Variants in ZBTB34 observed in about 807,000 individuals in gnomAD.
ZBTB34 encodes the protein zinc finger and BTB domain containing 34.
A neutral mutation model predicts 33.4 loss-of-function variants in ZBTB34; 1 was observed. The ratio of observed to expected loss-of-function variants is 0.03; its 90% confidence interval spans 0.01 to 0.14. The LOEUF is 0.14. Ranked by LOEUF, ZBTB34 falls within the 10% of genes least tolerant of loss-of-function variation. The pLI, the probability that ZBTB34 is intolerant of heterozygous loss-of-function variation, is 1.00. For missense variants in ZBTB34, 406 were observed against 657.2 expected (o/e 0.62, Z 4.18); for synonymous variants, 283 against 253.5 (o/e 1.12, Z -1.11).
chr9:126,877,916 A>G (rs1234687178), intron 1 of ZBTB34, among the ~76,000 whole-genome samples: 2 of 152,120 alleles, frequency 1.3e-5, no homozygotes, highest in East Asian at 3.8e-4. Context: ...AGGCAGGAGG[A>G]TCACTTGAAC....
At chr9:126,872,451 T>C (rs907995168) in intron 1 of ZBTB34, among the ~76,000 whole-genome samples, 2 of 152,118 alleles carry the variant, frequency 1.3e-5, no homozygotes, top group Non-Finnish European at 1.5e-5. Context: ...AACTTAGGTG[T>C]AGGCCCACTG....
At position 126,879,385 on chromosome 9, in the gene ZBTB34, C is replaced by T. The variant is rs369450218; in HGVS notation, c.-10-5C>T. The T allele has an allele frequency of 2.9e-5, 46 of 1,591,756 alleles. No homozygotes were observed. Among genetic ancestry groups the T allele is most frequent in the Non-Finnish European group, 3.3e-5 (38 of 1,167,770 alleles). ...GTGAATGATGCAAACTCTCTCTCTC[C>T]GCAGAGTACGCTTCATGTCAGTAGA... On this transcript the variant is annotated splice_polypyrimidine_tract_variant and splice_region_variant and intron_variant, in intron 1 of 1. Coordinates refer to ENST00000319119, the Ensembl canonical transcript of ZBTB34. The surrounding 1 kb of genome is among the most constrained non-coding windows in gnomAD (Gnocchi z 6.4).
At chr9:126,869,625 C>T (rs376808010) in intron 1 of ZBTB34, among the ~76,000 whole-genome samples, 1 of 152,084 alleles carries the variant, frequency 6.6e-6, no homozygotes, top group Admixed American at 6.5e-5. Context: ...GAATGTCGGT[C>T]CTGCCCACAT....
chr9:126,875,446 C>G (rs2033343087), intron 1 of ZBTB34, among the ~76,000 whole-genome samples: 1 of 152,094 alleles, frequency 6.6e-6, no homozygotes, highest in South Asian at 2.1e-4. Context: ...GAGTGTCTCT[C>G]TTTATGGTAT....
rs1200592320 is a variant in ZBTB34, at chr9:126,877,053, C to CTTTCCT, written c.-10-2337_-10-2336insTTTCCT. Among the ~76,000 whole-genome samples the CTTTCCT allele has an allele frequency of 7.2e-5, 11 of 152,276 alleles. No homozygotes were observed. In the East Asian group the frequency reaches 2.1e-3, roughly 29 times the overall value. On this transcript the variant is annotated intron_variant, in intron 1 of 1. Transcript: ENST00000319119. Reference sequence around the variant, plus strand: ...TAGTTATTTTCCTACTGTCTTTGGGCATCATTTGTTTTTCCTTTTCTGACC... The same window carrying CTTTCCT: ...TAGTTATTTTCCTACTGTCTTTGGGCTTTCCTATCATTTGTTTTTCCTTTTCTGACC...
chr9:126,880,241 C>G lies in ZBTB34; in HGVS notation c.842C>G (p.Ser281Cys). ...GCAGTGAATGTGGGCTCCTATGGTT[C>G]TGTGCTCCAGCACGCATACTCCTAT... The change falls in exon 2 of 2, where the codon TCT (serine) becomes TGT (cysteine). Residue 281 changes from serine (S) to cysteine (C), a missense_variant. Physicochemically the swap from Ser to Cys is moderately radical, Grantham distance 112. This residue lies in a region of ZBTB34 where 123 missense variants were observed against 140.4 expected (regional missense o/e 0.88). Transcript: ENST00000319119. The surrounding 1 kb of genome is among the most constrained non-coding windows in gnomAD (Gnocchi z 6.7). The G allele has an allele frequency of 6.2e-7, 1 of 1,613,912 alleles. No homozygotes were observed. Among genetic ancestry groups the G allele is most frequent in the Non-Finnish European group, 8.5e-7 (1 of 1,179,902 alleles).
exon 1 of ZBTB34, chr9:126,860,677 T>A (rs2033129658): frequency 6.9e-6 from 1 of 144,242 alleles, no homozygotes; most frequent in Non-Finnish European, 1.5e-5. Context: ...GGGACTGGCC[T>A]GGCGCCGGCG....
intron 1 of ZBTB34, among the ~76,000 whole-genome samples, chr9:126,861,270 C>T (rs998789372): frequency 2.0e-4 from 30 of 152,290 alleles, no homozygotes; most frequent in African/African-American, 5.5e-4. Flanking sequence ...TGCGCTTGGC[C>T]CCAGACGTCT....
chr9:126,868,420 T>A (rs1158468517), intron 1 of ZBTB34, among the ~76,000 whole-genome samples: 1 of 152,152 alleles, frequency 6.6e-6, no homozygotes, highest in Non-Finnish European at 1.5e-5. Flanking sequence ...GGGAGGAGTG[T>A]CCCAGGATGG....
intron 1 of ZBTB34, among the ~76,000 whole-genome samples, chr9:126,876,159 CGT>C (rs2033354524): frequency 3.1e-5 from 2 of 64,138 alleles, no homozygotes; most frequent in African/African-American, 6.4e-5. Context: ...TTTTCCCTTC[CGT>C]CCTTCCCCCC....
chr9:126,873,650 G>C (rs976327537), intron 1 of ZBTB34, among the ~76,000 whole-genome samples: 2 of 152,102 alleles, frequency 1.3e-5, no homozygotes, highest in Non-Finnish European at 2.9e-5. Context: ...TGTCGCCCAG[G>C]CTGGAGTGCA....
intron 1 of ZBTB34, among the ~76,000 whole-genome samples, chr9:126,877,558 A>C (rs2033378196): frequency 6.6e-6 from 1 of 152,184 alleles, no homozygotes; most frequent in South Asian, 2.1e-4. Context: ...TATATACTTA[A>C]GTAGTTCTGA....
At chr9:126,868,525 C>T (rs753002079) in intron 1 of ZBTB34, among the ~76,000 whole-genome samples, 5 of 152,124 alleles carry the variant, frequency 3.3e-5, no homozygotes, top group Non-Finnish European at 5.9e-5. Flanking sequence ...GTTGCCCAGC[C>T]GGCCATCACT....
intron 1 of ZBTB34, among the ~76,000 whole-genome samples, chr9:126,865,347 G>A (rs529686317): frequency 2.8e-4 from 43 of 152,352 alleles, no homozygotes; most frequent in African/African-American, 9.6e-4. Flanking sequence ...GCTGGGCTCT[G>A]GGCACGCAGT....
intron 1 of ZBTB34, among the ~76,000 whole-genome samples, chr9:126,876,811 A>C (rs956329692): frequency 2.0e-5 from 3 of 152,224 alleles, no homozygotes; most frequent in Non-Finnish European, 4.4e-5. Flanking sequence ...ACAGATTTCA[A>C]ATTGATTTCA....
intron 1 of ZBTB34, among the ~76,000 whole-genome samples, chr9:126,874,257 C>G (rs1358837616): frequency 2.1e-5 from 3 of 146,138 alleles, no homozygotes; most frequent in Admixed American, 6.8e-5. Context: ...TCACCGTGTT[C>G]GCCAGGATGG....
At chr9:126,883,971 A>C (rs1374463061) in exon 2 of ZBTB34, 1 of 167,130 alleles carries the variant, frequency 6.0e-6, no homozygotes, top group East Asian at 1.9e-4. Flanking sequence ...TCCGCAGACG[A>C]AGTACGCTGT....
At chr9:126,881,128 G>A in exon 2 of ZBTB34, 2 of 559,496 alleles carry the variant, frequency 3.6e-6, no homozygotes, top group East Asian at 3.2e-5. Flanking sequence ...ACGCATCCAG[G>A]GAAAACACAG....
At chr9:126,865,379 C>T (rs1034248446) in intron 1 of ZBTB34, among the ~76,000 whole-genome samples, 7 of 152,342 alleles carry the variant, frequency 4.6e-5, no homozygotes, top group Non-Finnish European at 7.3e-5. Context: ...GAGAGCTCAC[C>T]GCCAGGAGTG....
Sources: allele counts gnomAD v4.1 joint callset (sites outside exome capture counted in the v4.1 genomes callset), GRCh38; gene constraint gnomAD v4.1.1; regional missense constraint gnomAD v4.1.1; non-coding constraint Gnocchi (gnomAD v3.1); transcripts MANE v1.5; gene names NCBI Gene and HGNC (gene_info 2026-07-23, HGNC 2026-07-21).